ABCB11: variants seen among roughly 807,000 people sequenced by gnomAD.
ABCB11 encodes the protein bile salt export pump.
ABCB11 carries 95 observed loss-of-function variants against 148.0 expected under a neutral mutation model. The ratio of observed to expected loss-of-function variants is 0.64; its 90% confidence interval spans 0.54 to 0.76. The LOEUF is 0.76. Among genes scored for constraint, ABCB11 ranks in the 30% least tolerant of loss-of-function variants. The pLI, the probability that ABCB11 is intolerant of heterozygous loss-of-function variation, is 0.00. For missense variants in ABCB11, 1,523 were observed against 1,617.8 expected, an observed-to-expected ratio of 0.94 and a Z score of 1.01; for synonymous variants, 591 against 555.4, an observed-to-expected ratio of 1.06 and a Z score of -0.90.
intron 21 of ABCB11, among the ~76,000 whole-genome samples, chr2:168,938,882 C>T (rs576056033): frequency 1.3e-5 from 2 of 151,974 alleles, no homozygotes; most frequent in South Asian, 4.1e-4. Context: ...AACATAGATA[C>T]ATATTTAACA....
chr2:169,027,181 C>A (rs1406700943), intron 1 of ABCB11, among the ~76,000 whole-genome samples: 1 of 152,188 alleles, frequency 6.6e-6, no homozygotes, highest in African/African-American at 2.4e-5. Context: ...TCTTCAGGAA[C>A]AGACTGAGAA....
At chr2:169,013,669 T>G (rs1477993157) in intron 4 of ABCB11, among the ~76,000 whole-genome samples, 159 bp from the exon 5 acceptor site, 2 of 152,194 alleles carry the variant, frequency 1.3e-5, no homozygotes, top group South Asian at 2.1e-4. Context: ...CTAATTATAT[T>G]GAAATAAACG....
rs528337317 is a variant in ABCB11 at position 168,921,682 on chromosome 2, T to G, written c.*1940A>C. Among the ~76,000 whole-genome samples the G allele has an allele frequency of 1.3e-5, 2 of 152,008 alleles. No individual in the cohort carries two copies. Among genetic ancestry groups the G allele is most frequent in the Non-Finnish European group, 2.9e-5 (2 of 67,996 alleles). ...TTTATATGTTAAAATACTTCCTCAGTGTCTGGTGGTCCTTGGAAGTCAATT... is the reference window on the plus strand; with the variant it reads ...TTTATATGTTAAAATACTTCCTCAGGGTCTGGTGGTCCTTGGAAGTCAATT... On this transcript the variant is annotated 3_prime_UTR_variant, in exon 28 of 28. Transcript: ENST00000650372.
intron 19 of ABCB11, among the ~76,000 whole-genome samples, chr2:168,952,675 TTG>T (rs1381171774): frequency 3.1e-4 from 32 of 103,424 alleles, no homozygotes; most frequent in African/African-American, 1.1e-3. Context: ...CATTGCTCCT[TTG>T]TTTTTTTTTT....
At chr2:168,934,241 G>A (rs913671250) in intron 23 of ABCB11, among the ~76,000 whole-genome samples, 1 of 152,030 alleles carries the variant, frequency 6.6e-6, no homozygotes, top group Non-Finnish European at 1.5e-5. Flanking sequence ...TTCCTAGCTG[G>A]GTGGGTGTAG....
At chr2:168,941,555 C>T (rs1028256749) in intron 21 of ABCB11, among the ~76,000 whole-genome samples, 2 of 152,058 alleles carry the variant, frequency 1.3e-5, no homozygotes, top group Non-Finnish European at 2.9e-5. Flanking sequence ...GCAGTTGCTT[C>T]TTATGGATAA....
chr2:168,986,224 T>C lies in ABCB11; in HGVS notation c.969A>G (p.Gly323=). Residue 323 remains glycine (G), a synonymous_variant, in exon 10 of 28, where the codon GGA becomes GGG. Coordinates refer to ENST00000650372, the MANE Select transcript of ABCB11 (RefSeq NM_003742.4). The part of the protein sequence containing the change: ...RWGIRKGIVM[G]FFTGFVWCLI... ...GACACCACACGAATCCAGTAAAGAA[T>C]CCCATCACTATTCCTTTTCTAATTC... is the stretch of plus-strand genomic sequence containing the variant. The C allele has an allele frequency of 1.2e-6, 2 of 1,613,362 alleles. No individual in the cohort carries two copies. Among genetic ancestry groups the C allele is most frequent in the Non-Finnish European group, 8.5e-7 (1 of 1,179,610 alleles).
At chr2:168,932,685 G>A (rs1285304761) in intron 23 of ABCB11, among the ~76,000 whole-genome samples, 152 bp from the exon 24 acceptor site, 1 of 152,192 alleles carries the variant, frequency 6.6e-6, no homozygotes, top group Non-Finnish European at 1.5e-5. Flanking sequence ...GAAATGGAGA[G>A]GGTGGTGTTT....
rs34849968 is a variant in ABCB11, at chr2:168,968,737, AT to A, written c.2012-248del. 0.59 allele frequency among the ~76,000 whole-genome samples: 89,342 copies of A among 150,872 alleles called. 26,703 individuals carry two copies. The highest frequency in any genetic ancestry group is 0.75 in the East Asian group (3,805 of 5,084). On this transcript the variant is annotated intron_variant, in intron 16 of 27. Coordinates refer to ENST00000650372, the MANE Select transcript of ABCB11 (RefSeq NM_003742.4). ...GCTTGTTACCTCTACAGAAACAGGTATTTTTTTTTAGCATAAATCATAAAAA... is the reference window on the plus strand; with the variant it reads ...GCTTGTTACCTCTACAGAAACAGGTATTTTTTTTAGCATAAATCATAAAAA...
chr2:169,015,923 T>C (rs1476882683), intron 3 of ABCB11, among the ~76,000 whole-genome samples: 1 of 152,190 alleles, frequency 6.6e-6, no homozygotes, highest in African/African-American at 2.4e-5. Context: ...AATGAATTAA[T>C]GGAGTGAATG....
intron 17 of ABCB11, among the ~76,000 whole-genome samples, chr2:168,964,604 A>C (rs557532356): frequency 1.3e-5 from 2 of 151,266 alleles, no homozygotes; most frequent in African/African-American, 4.9e-5. Flanking sequence ...TCATCAAAAA[A>C]CCACCTAAGG....
intron 17 of ABCB11, 122 bp from the exon 18 acceptor site, chr2:168,964,430 A>G (rs1693209860): frequency 1.2e-6 from 1 of 806,496 alleles, no homozygotes; most frequent in African/African-American, 1.7e-5. Flanking sequence ...GTCACATGGT[A>G]ACCAGGAAAG....
intron 8 of ABCB11, among the ~76,000 whole-genome samples, chr2:168,991,619 T>C (rs895208611): frequency 6.6e-6 from 1 of 151,944 alleles, no homozygotes; most frequent in African/African-American, 2.4e-5. Context: ...AGCTCAGAAA[T>C]ATAAAAATAT....
rs761200259 is a variant in ABCB11, at chr2:168,924,694, T to C, written c.3728A>G (p.Asp1243Gly). The change falls in exon 27 of 28, where the codon GAT becomes GGT. Residue 1243 changes from aspartate to glycine, a missense_variant. Coordinates refer to ENST00000650372, the MANE Select transcript of ABCB11 (RefSeq NM_003742.4). The stretch of plus-strand genomic sequence containing the variant: ...TGTGTCTAAGGCAGAAGTGGCTTCA[T>C]CTAGTAGCAAGATTTTAGGATCTCG... ...IVRDPKILLL[D>G]EATSALDTES... 6 of 1,613,942 alleles carry C rather than the reference T, an allele frequency of 3.7e-6. No individual in the cohort carries two copies. The South Asian group carries it at 6.6e-5, about 18-fold the overall frequency.
intron 18 of ABCB11, among the ~76,000 whole-genome samples, chr2:168,959,657 A>G (rs1692965015): frequency 6.6e-6 from 1 of 151,636 alleles, no homozygotes; most frequent in Non-Finnish European, 1.5e-5. Context: ...TGGAGGACAA[A>G]GAAGATGTCT....
intron 21 of ABCB11, among the ~76,000 whole-genome samples, chr2:168,940,981 A>C (rs1469395127): frequency 6.6e-6 from 1 of 152,084 alleles, no homozygotes; most frequent in African/African-American, 2.4e-5. Context: ...TCAGGAAAAA[A>C]TACAGCTTTC....
chr2:168,928,155 G>C (rs1042407297), intron 25 of ABCB11, among the ~76,000 whole-genome samples: 4 of 152,090 alleles, frequency 2.6e-5, no homozygotes, highest in Non-Finnish European at 5.9e-5. Context: ...CTAAGTAATG[G>C]AAAAAGCAAA....
At chr2:168,919,934 G>A (rs769784686), downstream of ABCB11, among the ~76,000 whole-genome samples, 4 of 151,904 alleles carry the variant, frequency 2.6e-5, no homozygotes, top group South Asian at 2.1e-4. Flanking sequence ...GGGCAGTGGC[G>A]CGATGTTGGG....
intron 19 of ABCB11, among the ~76,000 whole-genome samples, chr2:168,946,250 T>G (rs780536313): frequency 1.3e-5 from 2 of 151,872 alleles, no homozygotes; most frequent in Non-Finnish European, 2.9e-5. Flanking sequence ...TAAAACAGTG[T>G]CAACAAATAG....
Sources: gnomAD v4.1 joint callset for allele counts (sites outside exome capture counted in the v4.1 genomes callset) on GRCh38, gnomAD v4.1.1 for gene constraint, MANE v1.5 for transcripts, NCBI Gene and HGNC (gene_info 2026-07-23, HGNC 2026-07-21) for gene names.